The following UBE2H variants were observed in gnomAD, a reference collection of about 807,000 sequenced individuals.
UBE2H encodes ubiquitin conjugating enzyme E2 H, also known as ubiquitin-conjugating enzyme E2 H.
Under a neutral mutation model 29.0 loss-of-function variants are expected in UBE2H, and 3 were observed. That is an observed-to-expected ratio of 0.10 (90% CI 0.05 to 0.27). UBE2H has a LOEUF of 0.27. Among genes scored for constraint, UBE2H ranks in the 10% least tolerant of loss-of-function variants. The pLI is 1.00. For synonymous variants in UBE2H, 69 were observed against 82.9 expected (o/e 0.83, Z 0.91); for missense variants, 68 against 228.2 (o/e 0.30, Z 4.52).
chr7:129,937,638 G>C (rs914480196), intron 1 of UBE2H, among the ~76,000 whole-genome samples: 2 of 152,316 alleles, frequency 1.3e-5, no homozygotes, highest in African/African-American at 4.8e-5. Flanking sequence ...GATAATCAGA[G>C]ACAGCACTTT....
At chr7:129,849,089 G>T (rs1054384732) in intron 5 of UBE2H, among the ~76,000 whole-genome samples, 2 of 151,900 alleles carry the variant, frequency 1.3e-5, no homozygotes, top group Non-Finnish European at 2.9e-5. Flanking sequence ...TACAAGAAAA[G>T]AAGAGTAGTC....
chr7:129,879,751 ATTCC>A, intron 2 of UBE2H, 109 bp from the exon 3 acceptor site: 1 of 1,007,422 alleles, frequency 9.9e-7, no homozygotes, highest in South Asian at 1.5e-5. Context: ...TTCCAAATTA[ATTCC>A]TTCAAGAGTC....
At chr7:129,869,810 G>A (rs974823206) in intron 3 of UBE2H, among the ~76,000 whole-genome samples, 1 of 152,176 alleles carries the variant, frequency 6.6e-6, no homozygotes, top group African/African-American at 2.4e-5. Context: ...CTGGCAGGGA[G>A]GAGAGACATA....
rs548430378 is a variant in UBE2H at position 129,892,238 on chromosome 7, C to A, written c.54-11267G>T. Among the ~76,000 whole-genome samples, 335 of 149,892 alleles carry A rather than the reference C, an allele frequency of 2.2e-3. 2 individuals carry two copies. Among genetic ancestry groups the A allele is most frequent in the Middle Eastern group, 0.014 (4 of 290 alleles). On this transcript the variant is annotated intron_variant, in intron 1 of 6. Coordinates refer to ENST00000355621, the MANE Select transcript of UBE2H (RefSeq NM_003344.4). ...TGCTGGGATTATAGGCATGAGCCAC[C>A]GCACCCGGCCTCAACCTTTCTTTTT...
intron 1 of UBE2H, among the ~76,000 whole-genome samples, chr7:129,885,399 T>C (rs942159132): frequency 6.6e-6 from 1 of 152,236 alleles, no homozygotes; most frequent in Non-Finnish European, 1.5e-5. Context: ...CTTTTAATCA[T>C]TTAAAATTAC....
chr7:129,854,064 T>TTTTTTTTTTTTTA (rs1805660304), intron 5 of UBE2H, among the ~76,000 whole-genome samples: 2 of 148,284 alleles, frequency 1.3e-5, no homozygotes, highest in Non-Finnish European at 3.0e-5. Context: ...GTGTTAGTTT[T>TTTTTTTTTTTTTA]TTTTTTTTTT....
chr7:129,878,444 G>A (rs1806188766), intron 3 of UBE2H, among the ~76,000 whole-genome samples: 1 of 151,912 alleles, frequency 6.6e-6, no homozygotes, highest in African/African-American at 2.4e-5. Context: ...AGCACTTTGG[G>A]AGGCCGAGGC....
chr7:129,843,635 C>A (rs1476122106), intron 5 of UBE2H, among the ~76,000 whole-genome samples: 1 of 152,174 alleles, frequency 6.6e-6, no homozygotes, highest in African/African-American at 2.4e-5. Flanking sequence ...GAGATGATCA[C>A]CCTCCTCCCC....
In UBE2H at chr7:129,831,510, C is replaced by A. The variant is rs2116242252; in HGVS notation, c.*3427G>T. ...AATGCCAACTAGGACTTCAGGGGGC[C>A]TTTGGAGGGAAAAATTCCTTTGAGA... On this transcript the variant is annotated 3_prime_UTR_variant, in exon 7 of 7. Transcript: ENST00000355621. 6.6e-6 allele frequency: 1 copy of A among 152,256 alleles called. No individual in the cohort carries two copies. Among genetic ancestry groups the A allele is most frequent in the East Asian group, 1.9e-4 (1 of 5,180 alleles). 9.4% of individuals were successfully genotyped at this position (152,256 alleles called of 1,614,324 possible).
intron 5 of UBE2H, chr7:129,857,167 G>A (rs1388865494): frequency 1.5e-5 from 3 of 196,958 alleles, no homozygotes; most frequent in African/African-American, 7.0e-5. Context: ...AGTAGTTTTA[G>A]TTTTTTCCAA....
At chr7:129,878,682 C>CAAAA (rs772936668) in intron 3 of UBE2H, among the ~76,000 whole-genome samples, 17 of 75,050 alleles carry the variant, frequency 2.3e-4, no homozygotes, top group Non-Finnish European at 3.2e-4. Flanking sequence ...GACTCCGTCT[C>CAAAA]AAAAAAAAAA....
At chr7:129,918,344 G>A (rs544328503) in intron 1 of UBE2H, among the ~76,000 whole-genome samples, 1 of 151,208 alleles carries the variant, frequency 6.6e-6, no homozygotes, top group East Asian at 1.9e-4. Context: ...GAAAGACATT[G>A]TCCAAAAAAT....
At chr7:129,929,774 C>T (rs569673156) in intron 1 of UBE2H, among the ~76,000 whole-genome samples, 1 of 152,290 alleles carries the variant, frequency 6.6e-6, no homozygotes, top group East Asian at 1.9e-4. Flanking sequence ...CTTTGGGAGG[C>T]CAAGGCGGGC....
rs1480910123 is a variant in UBE2H at position 129,833,858 on chromosome 7, C to A, written c.*1079G>T. On this transcript the variant is annotated 3_prime_UTR_variant, in exon 7 of 7. Coordinates refer to ENST00000355621, the MANE Select transcript of UBE2H (RefSeq NM_003344.4). Reference sequence around the variant, plus strand: ...AGCAGCAGAAAAAGGGAAAACCAAACCAGAACATGAAGGCAAGTACCCAGG... The same window carrying A: ...AGCAGCAGAAAAAGGGAAAACCAAAACAGAACATGAAGGCAAGTACCCAGG... The A allele has an allele frequency of 2.6e-5, 4 of 152,126 alleles. No individual in the cohort carries two copies. Among genetic ancestry groups the A allele is most frequent in the African/African-American group, 9.7e-5 (4 of 41,428 alleles). The allele number at this position is 152,126 out of a possible 1,614,324, so 9.4% of individuals were successfully genotyped here.
At chr7:129,948,169 TTTAA>T (rs1007094402) in intron 1 of UBE2H, among the ~76,000 whole-genome samples, 5 of 151,984 alleles carry the variant, frequency 3.3e-5, no homozygotes, top group Non-Finnish European at 7.4e-5. Context: ...TTTTTTTTTT[TTTAA>T]TTAAGAGAGT....
intron 1 of UBE2H, among the ~76,000 whole-genome samples, chr7:129,892,254 C>CT (rs1346725676): frequency 6.4e-5 from 9 of 140,092 alleles, no homozygotes; most frequent in Non-Finnish European, 1.6e-5. Context: ...CGGCCTCAAC[C>CT]TTTCTTTTTT....
At chr7:129,885,603 C>A (rs79870141) in intron 1 of UBE2H, among the ~76,000 whole-genome samples, 9,528 of 152,278 alleles carry the variant, frequency 0.063, 369 homozygotes, top group Non-Finnish European at 0.092. Flanking sequence ...CACATGCCAG[C>A]TACAATGGGA....
chr7:129,950,010 T>A (rs1807843111), intron 1 of UBE2H, among the ~76,000 whole-genome samples: 1 of 152,174 alleles, frequency 6.6e-6, no homozygotes, highest in Non-Finnish European at 1.5e-5. Context: ...CTCATTTTAG[T>A]AGAGGGCTGG....
chr7:129,837,606 T>G (rs1805354094), intron 6 of UBE2H, among the ~76,000 whole-genome samples: 2 of 81,664 alleles, frequency 2.4e-5, no homozygotes, highest in East Asian at 3.2e-4. Context: ...GAAGACTGCA[T>G]TGGGAGGGGG....
Sources: allele counts gnomAD v4.1 joint callset (sites outside exome capture counted in the v4.1 genomes callset), GRCh38; gene constraint gnomAD v4.1.1; transcripts MANE v1.5; gene names NCBI Gene and HGNC (gene_info 2026-07-23, HGNC 2026-07-21).